Variants in ATG7 observed in about 807,000 individuals in gnomAD.
ATG7 encodes the protein autophagy related 7.
ATG7 carries 70 observed loss-of-function variants against 82.4 expected under a neutral mutation model. The observed-to-expected ratio is 0.85, with a 90% CI of 0.70 to 1.04. The LOEUF (loss-of-function observed/expected upper bound fraction) is 1.04. Ranked by LOEUF, ATG7 falls within the 50% of genes least tolerant of loss-of-function variation. ATG7 has a pLI of 0.00. For synonymous variants in ATG7, 287 were observed against 313.0 expected, an observed-to-expected ratio of 0.92 and a Z score of 0.88; for missense variants, 792 against 864.3, an observed-to-expected ratio of 0.92 and a Z score of 1.05.
intron 9 of ATG7, among the ~76,000 whole-genome samples, chr3:11,320,815 A>G (rs1950118987): frequency 6.6e-6 from 1 of 152,258 alleles, no homozygotes; most frequent in African/African-American, 2.4e-5. Flanking sequence ...TGCCTGGCAC[A>G]CAGTAGGCCT....
At chr3:11,337,994 A>G (rs1952812784) in intron 11 of ATG7, among the ~76,000 whole-genome samples, 1 of 152,040 alleles carries the variant, frequency 6.6e-6, no homozygotes. Flanking sequence ...TCAGGGGTAT[A>G]TGTGGTTTGT....
chr3:11,275,662 T>TTCTA (rs902833878), intron 1 of ATG7, among the ~76,000 whole-genome samples: 8 of 152,042 alleles, frequency 5.3e-5, no homozygotes, highest in Admixed American at 2.6e-4. Flanking sequence ...CCTCTCCCCT[T>TTCTA]TCTATCTCCT....
At chr3:11,300,127 A>G (rs1308276716) in intron 5 of ATG7, among the ~76,000 whole-genome samples, 1 of 152,036 alleles carries the variant, frequency 6.6e-6, no homozygotes, top group African/African-American at 2.4e-5. Flanking sequence ...GTGTTTCACC[A>G]TATTTGCCAG....
chr3:11,488,601 G>C, intron 20 of ATG7: 1 of 514,258 alleles, frequency 1.9e-6, no homozygotes, highest in Non-Finnish European at 2.8e-6. Context: ...CTAAGCCACC[G>C]ACCCCAGCCC....
intron 9 of ATG7, among the ~76,000 whole-genome samples, chr3:11,326,796 C>T (rs1461029389): frequency 1.3e-5 from 2 of 152,162 alleles, no homozygotes; most frequent in Non-Finnish European, 2.9e-5. Flanking sequence ...CTTCTTAATT[C>T]GGTGGAAGCC....
At chr3:11,564,706 C>CGCCCTCCCTCACCACT in the ATG7 span, 6 of 1,445,830 alleles carry the variant, frequency 4.1e-6, no homozygotes, top group Non-Finnish European at 5.6e-6. Context: ...CCCTCACCAC[C>CGCCCTCCCTCACCACT]GCCCTCGGAG....
intron 20 of ATG7, among the ~76,000 whole-genome samples, chr3:11,511,862 G>C (rs1416329773): frequency 1.3e-5 from 2 of 152,258 alleles, no homozygotes; most frequent in African/African-American, 4.8e-5. Flanking sequence ...CACTGCCTGG[G>C]GCCAGCAGGG....
chr3:11,459,243 A>G (rs903127196), intron 20 of ATG7, among the ~76,000 whole-genome samples: 1 of 152,002 alleles, frequency 6.6e-6, no homozygotes, highest in Non-Finnish European at 1.5e-5. Flanking sequence ...GTCTTTTCTA[A>G]TATCTCTGCA....
At chr3:11,444,097 G>A (rs768371525) in intron 20 of ATG7, among the ~76,000 whole-genome samples, 38 of 152,190 alleles carry the variant, frequency 2.5e-4, no homozygotes, top group Non-Finnish European at 4.3e-4. Flanking sequence ...AGATTCTTTC[G>A]TGTCTTGTTT....
chr3:11,520,694 A>T (rs960555216), intron 20 of ATG7, among the ~76,000 whole-genome samples: 1 of 152,228 alleles, frequency 6.6e-6, no homozygotes, highest in Non-Finnish European at 1.5e-5. Flanking sequence ...CATTATGGCC[A>T]CCTGACAAGC....
At chr3:11,536,900 A>AT (rs1358726317) in intron 20 of ATG7, among the ~76,000 whole-genome samples, 1 of 152,136 alleles carries the variant, frequency 6.6e-6, no homozygotes, top group African/African-American at 2.4e-5. Flanking sequence ...TTATGAGCTT[A>AT]TTTACGATCA....
Position 11,371,398 on chromosome 3 carries a change from A to G in ATG7, c.1875+6664A>G, listed in dbSNP as rs943920613. Among the ~76,000 whole-genome samples the G allele has an allele frequency of 7.3e-5, 11 of 151,056 alleles. 1 individual carries two copies. Among genetic ancestry groups the G allele is most frequent in the African/African-American group, 2.7e-4 (11 of 40,934 alleles). On this transcript the variant is annotated intron_variant, in intron 18 of 20. Coordinates refer to ENST00000693202, the MANE Select transcript of ATG7 (RefSeq NM_001349232.2). ...CGGAGAAGGCAGGAATGCAGGGGCC[A>G]TTGGAAATGCCTGGACCTTCAACCC...
intron 20 of ATG7, among the ~76,000 whole-genome samples, chr3:11,496,646 A>G (rs1369412793): frequency 2.6e-5 from 4 of 152,198 alleles, no homozygotes; most frequent in Non-Finnish European, 4.4e-5. Context: ...ACATTTAATA[A>G]TCCCATCACA....
intron 11 of ATG7, among the ~76,000 whole-genome samples, chr3:11,335,025 G>C (rs1952219933): frequency 6.6e-6 from 1 of 151,510 alleles, no homozygotes; most frequent in East Asian, 1.9e-4. Context: ...AAGGATTCAG[G>C]ATTGGCCCAC....
At chr3:11,553,157 C>T (rs2071985206) in intron 20 of ATG7, among the ~76,000 whole-genome samples, 1 of 152,142 alleles carries the variant, frequency 6.6e-6, no homozygotes, top group South Asian at 2.1e-4. Flanking sequence ...CCCCTTCCTC[C>T]AGGCAGCCCG....
At chr3:11,542,820 A>C (rs2070943615) in intron 20 of ATG7, among the ~76,000 whole-genome samples, 1 of 152,196 alleles carries the variant, frequency 6.6e-6, no homozygotes, top group Admixed American at 6.5e-5. Flanking sequence ...GGCTGAGCAT[A>C]ACCTGTGCCT....
intron 19 of ATG7, among the ~76,000 whole-genome samples, chr3:11,423,445 C>T (rs925207112): frequency 2.0e-5 from 3 of 152,160 alleles, no homozygotes; most frequent in East Asian, 1.9e-4. Context: ...TTCCTTTGCT[C>T]AATGCGGGGT....
intron 20 of ATG7, among the ~76,000 whole-genome samples, chr3:11,508,889 T>G (rs555022353): frequency 1.3e-5 from 2 of 152,352 alleles, no homozygotes; most frequent in African/African-American, 4.8e-5. Context: ...GATCTGCACT[T>G]ACAAAACTAA....
Position 11,555,028 on chromosome 3 carries a change from C to T in ATG7, c.*185C>T. 1.5e-6 allele frequency: 1 copy of T among 687,220 alleles called. No individual in the cohort carries two copies. The highest frequency in any genetic ancestry group is 3.8e-4 in the Middle Eastern group (1 of 2,632). 42.6% of individuals were successfully genotyped at this position (687,220 alleles called of 1,614,324 possible). On this transcript the variant is annotated 3_prime_UTR_variant, in exon 21 of 21. Coordinates refer to ENST00000693202, the MANE Select transcript of ATG7 (RefSeq NM_001349232.2). ...TCGGCGTTGCTCGGGATTCAAGATA[C>T]CACCAGTTCAGAGCTAAATAATAAC...
Sources: allele counts gnomAD v4.1 joint callset (sites outside exome capture counted in the v4.1 genomes callset), GRCh38; gene constraint gnomAD v4.1.1; transcripts MANE v1.5; gene names NCBI Gene and HGNC (gene_info 2026-07-23, HGNC 2026-07-21).